Variants in SMAD7 observed in about 807,000 individuals in gnomAD.
SMAD7 encodes the protein MAD (mothers against decapentaplegic, Drosophila) homolog 7.
SMAD7 carries 8 observed loss-of-function variants against 38.7 expected under a neutral mutation model. That is an observed-to-expected ratio of 0.21 (90% CI 0.12 to 0.37). The LOEUF (loss-of-function observed/expected upper bound fraction) is 0.37, where lower values mean the gene tolerates loss of function less well. Ranked by LOEUF, SMAD7 falls within the 10% of genes least tolerant of loss-of-function variation. The pLI, the probability that SMAD7 is intolerant of heterozygous loss-of-function variation, is 1.00. For missense variants in SMAD7, 477 were observed against 577.9 expected (o/e 0.83, Z 1.79); for synonymous variants, 327 against 265.1 (o/e 1.23, Z -2.27).
chr18:48,938,999 A>T (rs1016091368), intron 3 of SMAD7, among the ~76,000 whole-genome samples: 1 of 152,090 alleles, frequency 6.6e-6, no homozygotes, highest in African/African-American at 2.4e-5. Context: ...TCCACCCCAC[A>T]AGTCCACAAC....
intron 3 of SMAD7, among the ~76,000 whole-genome samples, chr18:48,930,564 C>G (rs1264630279): frequency 6.6e-6 from 1 of 152,170 alleles, no homozygotes; most frequent in Non-Finnish European, 1.5e-5. Context: ...GAGCTCCAAT[C>G]TGGCTGGTGA....
chr18:48,936,528 A>G (rs759103253), intron 3 of SMAD7, among the ~76,000 whole-genome samples: 7 of 152,234 alleles, frequency 4.6e-5, no homozygotes, highest in Non-Finnish European at 8.8e-5. Flanking sequence ...ACAGTGGACC[A>G]TGTATAGTTA....
Position 48,944,980 on chromosome 18 carries a change from G to A in SMAD7, c.668-2425C>T, listed in dbSNP as rs62105270. 3.0e-3 allele frequency among the ~76,000 whole-genome samples: 462 copies of A among 152,238 alleles called. 1 individual carries two copies. Among genetic ancestry groups the A allele is most frequent in the Non-Finnish European group, 3.5e-3 (240 of 68,010 alleles). The stretch of plus-strand genomic sequence containing the variant: ...CAACCCTGGGGAGCAGCCAAGGAGC[G>A]AACTATTGAGAATGAGTACAAGGTA... On this transcript the variant is annotated intron_variant, in intron 2 of 3. Coordinates refer to ENST00000262158, the MANE Select transcript of SMAD7 (RefSeq NM_005904.4).
chr18:48,945,350 T>A (rs2070183952), intron 2 of SMAD7, among the ~76,000 whole-genome samples: 1 of 152,130 alleles, frequency 6.6e-6, no homozygotes, highest in Admixed American at 6.6e-5. Flanking sequence ...TAGTCCCAGC[T>A]GCTCGGGAGG....
At chr18:48,937,239 C>T (rs2070077852) in intron 3 of SMAD7, among the ~76,000 whole-genome samples, 1 of 149,574 alleles carries the variant, frequency 6.7e-6, no homozygotes, top group Non-Finnish European at 1.5e-5. Flanking sequence ...TACGCAGCTA[C>T]AGTCAGGCTT....
intron 3 of SMAD7, among the ~76,000 whole-genome samples, chr18:48,926,878 C>G (rs1041157245): frequency 2.0e-5 from 3 of 152,232 alleles, no homozygotes; most frequent in African/African-American, 7.2e-5. Flanking sequence ...TCTTCAGGGA[C>G]AAGCCTAAGA....
chr18:48,931,814 A>C (rs2070004382), intron 3 of SMAD7, among the ~76,000 whole-genome samples: 1 of 152,268 alleles, frequency 6.6e-6, no homozygotes. Flanking sequence ...CCAGGAGAGC[A>C]GGCCAGCCTC....
intron 3 of SMAD7, among the ~76,000 whole-genome samples, chr18:48,926,567 T>A (rs1367000486): frequency 1.3e-5 from 2 of 152,148 alleles, no homozygotes; most frequent in African/African-American, 4.8e-5. Flanking sequence ...GACGGAGAAG[T>A]TGGGGAGGAA....
chr18:48,926,996 C>T (rs954303485), intron 3 of SMAD7, among the ~76,000 whole-genome samples: 1 of 152,190 alleles, frequency 6.6e-6, no homozygotes, highest in Non-Finnish European at 1.5e-5. Context: ...AATCCCTCCC[C>T]CAAATAGAGA....
intron 3 of SMAD7, among the ~76,000 whole-genome samples, chr18:48,929,550 T>TC (rs1568299529): frequency 1.9e-4 from 15 of 77,526 alleles, no homozygotes; most frequent in African/African-American, 5.1e-4. Flanking sequence ...CTTTCTCTCT[T>TC]TCTCTCTCTC....
chr18:48,937,745 A>C (rs913038430), intron 3 of SMAD7, among the ~76,000 whole-genome samples: 1 of 152,176 alleles, frequency 6.6e-6, no homozygotes, highest in African/African-American at 2.4e-5. Context: ...CATTTCTCAC[A>C]GTGGCCTGCA....
chr18:48,927,009 C>T (rs751501960), intron 3 of SMAD7, among the ~76,000 whole-genome samples: 1 of 152,176 alleles, frequency 6.6e-6, no homozygotes, highest in African/African-American at 2.4e-5. Context: ...AATAGAGACG[C>T]GTAAAACTTG....
chr18:48,934,278 A>G (rs928763337), intron 3 of SMAD7, among the ~76,000 whole-genome samples: 2 of 152,092 alleles, frequency 1.3e-5, no homozygotes, highest in Non-Finnish European at 2.9e-5. Flanking sequence ...CCCTAGAAAT[A>G]GTCTCAGGAA....
intron 3 of SMAD7, among the ~76,000 whole-genome samples, chr18:48,940,365 G>T (rs890168351): frequency 2.6e-5 from 4 of 152,162 alleles, no homozygotes; most frequent in African/African-American, 9.7e-5. Context: ...TAATATCTGT[G>T]TCTACAATTA....
intron 2 of SMAD7, chr18:48,942,764 C>T (rs1394783639): frequency 1.4e-5 from 20 of 1,412,440 alleles, no homozygotes; most frequent in South Asian, 1.3e-4. Flanking sequence ...GTCTGGGCTC[C>T]GGGCAGCCAG....
intron 3 of SMAD7, among the ~76,000 whole-genome samples, chr18:48,937,264 A>ATGTG (rs71165354): frequency 0.056 from 6,681 of 119,758 alleles, 312 homozygotes; most frequent in African/African-American, 0.08. Context: ...AAGTAAAGGC[A>ATGTG]TGTGTGTGTG....
intron 3 of SMAD7, among the ~76,000 whole-genome samples, 192 bp downstream of exon 3, chr18:48,942,289 G>A (rs1399518824): frequency 1.3e-5 from 2 of 152,182 alleles, no homozygotes; most frequent in East Asian, 1.9e-4. Flanking sequence ...AGTGTCCAGA[G>A]CGTAAAGGAC....
chr18:48,949,542 C>G (rs2070236083), intron 1 of SMAD7, among the ~76,000 whole-genome samples: 1 of 152,148 alleles, frequency 6.6e-6, no homozygotes, highest in African/African-American at 2.4e-5. Flanking sequence ...GAGCAGTGCC[C>G]GTAGACCCCT....
chr18:48,935,085 T>C (rs1411453998), intron 3 of SMAD7, among the ~76,000 whole-genome samples: 1 of 152,320 alleles, frequency 6.6e-6, no homozygotes, highest in African/African-American at 2.4e-5. Context: ...GTTCTCTCTC[T>C]AGCAGATACT....
Sources: gnomAD v4.1 joint callset for allele counts (sites outside exome capture counted in the v4.1 genomes callset) on GRCh38, gnomAD v4.1.1 for gene constraint, MANE v1.5 for transcripts, NCBI Gene and HGNC (gene_info 2026-07-23, HGNC 2026-07-21) for gene names.